The following ROBO2 variants were observed in gnomAD, a reference collection of about 807,000 sequenced individuals.
The protein encoded by ROBO2 is roundabout guidance receptor 2.
In ROBO2, 53 loss-of-function variants were observed where a neutral mutation model predicts 160.8. That is an observed-to-expected ratio of 0.33 (90% CI 0.26 to 0.41). The LOEUF is 0.41. Among genes scored for constraint, ROBO2 ranks in the 10% least tolerant of loss-of-function variants. ROBO2 has a pLI of 1.00. For missense variants in ROBO2, 1,577 were observed against 1,722.4 expected, an observed-to-expected ratio of 0.92 and a Z score of 1.49; for synonymous variants, 664 against 611.7, an observed-to-expected ratio of 1.09 and a Z score of -1.26.
intron 2 of ROBO2, among the ~76,000 whole-genome samples, chr3:76,986,734 T>C (rs879044250): frequency 6.6e-6 from 1 of 152,180 alleles, no homozygotes; most frequent in Admixed American, 6.6e-5. Context: ...AAGTATGGAA[T>C]TGTGCTTGGT....
intron 2 of ROBO2, among the ~76,000 whole-genome samples, chr3:76,831,145 A>T (rs1003965319): frequency 6.6e-6 from 1 of 152,186 alleles, no homozygotes; most frequent in Non-Finnish European, 1.5e-5. Flanking sequence ...CACAGGCTAT[A>T]TTCAAAATAA....
chr3:76,604,855 C>T (rs1179030663), intron 2 of ROBO2, among the ~76,000 whole-genome samples: 1 of 152,068 alleles, frequency 6.6e-6, no homozygotes, highest in Non-Finnish European at 1.5e-5. Flanking sequence ...AAGCCCTTGA[C>T]CAAGAAGCTC....
At chr3:76,519,718 AAAATAG>A (rs1172302871) in intron 2 of ROBO2, among the ~76,000 whole-genome samples, 1 of 150,784 alleles carries the variant, frequency 6.6e-6, no homozygotes, top group Non-Finnish European at 1.5e-5. Context: ...ATATAAGACA[AAAATAG>A]AAATAGAGAG....
intron 2 of ROBO2, among the ~76,000 whole-genome samples, chr3:77,337,773 A>G (rs929876603): frequency 1.3e-5 from 2 of 152,146 alleles, no homozygotes; most frequent in African/African-American, 4.8e-5. Flanking sequence ...TTAGGAATAC[A>G]TTGCAAAAAT....
intron 2 of ROBO2, among the ~76,000 whole-genome samples, chr3:76,397,328 G>A (rs1161840214): frequency 2.0e-5 from 3 of 151,910 alleles, no homozygotes; most frequent in Non-Finnish European, 2.9e-5. Flanking sequence ...TTAATTCAAG[G>A]TGGAATAAAG....
At chr3:77,004,701 T>C (rs554404694) in intron 2 of ROBO2, among the ~76,000 whole-genome samples, 3 of 152,302 alleles carry the variant, frequency 2.0e-5, no homozygotes, top group African/African-American at 7.2e-5. Flanking sequence ...TCGCTTTCAG[T>C]AAAATGTTTC....
chr3:77,230,096 G>A (rs1293952168), intron 2 of ROBO2, among the ~76,000 whole-genome samples: 2 of 146,596 alleles, frequency 1.4e-5, no homozygotes, highest in Non-Finnish European at 3.0e-5. Context: ...ATGCTAGACA[G>A]TTTTTTTTTT....
At chr3:76,971,610 CAA>C (rs2059577064) in intron 2 of ROBO2, among the ~76,000 whole-genome samples, 1 of 151,974 alleles carries the variant, frequency 6.6e-6, no homozygotes, top group Non-Finnish European at 1.5e-5. Context: ...CTTTAGTGGT[CAA>C]AAGAGTGTTT....
intron 5 of ROBO2, among the ~76,000 whole-genome samples, chr3:77,508,373 G>A (rs145191905): frequency 0.023 from 3,408 of 147,636 alleles, 124 homozygotes; most frequent in African/African-American, 0.077. Context: ...ATAAAATGTT[G>A]TAAGCTATAT....
intron 2 of ROBO2, among the ~76,000 whole-genome samples, chr3:76,950,987 T>C (rs1170307891): frequency 6.6e-6 from 1 of 152,204 alleles, no homozygotes; most frequent in Admixed American, 6.5e-5. Context: ...CTTGGCCTTT[T>C]AAAGTGCTGG....
Position 76,668,857 on chromosome 3 carries a change from G to T in ROBO2, c.110-429157G>T, listed in dbSNP as rs375165293. On this transcript the variant is annotated intron_variant, in intron 2 of 26. Transcript: ENST00000487694. ...AACTGAAAGTGTAATTTGAGAAATA[G>T]GAAAATAGAAAAGCTGACTGCAGCG... Among the ~76,000 whole-genome samples the T allele has an allele frequency of 9.8e-4, 149 of 152,188 alleles. 1 individual carries two copies. In the South Asian group the frequency reaches 0.03, roughly 31 times the overall value.
chr3:77,643,743 C>A (rs1251022474), intron 24 of ROBO2, among the ~76,000 whole-genome samples: 1 of 152,128 alleles, frequency 6.6e-6, no homozygotes, highest in Non-Finnish European at 1.5e-5. Context: ...ATAGGCCTCT[C>A]CATGCATTTC....
At chr3:76,670,001 A>G (rs74679823) in intron 2 of ROBO2, among the ~76,000 whole-genome samples, 1,787 of 152,262 alleles carry the variant, frequency 0.012, 44 homozygotes, top group African/African-American at 0.041. Flanking sequence ...GGCATATACT[A>G]ATTTGTATTG....
At chr3:76,304,747 CTTCTTTCTTTCT>C (rs1222058179) in intron 2 of ROBO2, among the ~76,000 whole-genome samples, 2,044 of 101,626 alleles carry the variant, frequency 0.02, 54 homozygotes, top group East Asian at 0.12. Flanking sequence ...CTTTTCTTTC[CTTCTTTCTTTCT>C]TTCTTTCTTT....
intron 2 of ROBO2, among the ~76,000 whole-genome samples, chr3:76,885,357 C>T (rs975390860): frequency 6.6e-6 from 1 of 151,910 alleles, no homozygotes; most frequent in African/African-American, 2.4e-5. Flanking sequence ...TTCTCCGATG[C>T]AAAATGCAAA....
intron 2 of ROBO2, among the ~76,000 whole-genome samples, chr3:76,621,982 C>CTTTTTTTTTTTTTTTTTTTTTTTT (rs2089124245): frequency 2.0e-5 from 3 of 151,906 alleles, no homozygotes; most frequent in African/African-American, 7.3e-5. Flanking sequence ...CCCATTCCTT[C>CTTTTTTTTTTTTTTTTTTTTTTTT]TTTATTATAC....
At chr3:77,329,951 A>T (rs913657174) in intron 2 of ROBO2, among the ~76,000 whole-genome samples, 2 of 152,200 alleles carry the variant, frequency 1.3e-5, no homozygotes, top group Non-Finnish European at 2.9e-5. Flanking sequence ...ATTCTTGGAG[A>T]TGATGGAAGC....
At chr3:76,629,391 T>C (rs1053989143) in intron 2 of ROBO2, among the ~76,000 whole-genome samples, 1 of 151,992 alleles carries the variant, frequency 6.6e-6, no homozygotes, top group Non-Finnish European at 1.5e-5. Flanking sequence ...AATCACAAGA[T>C]GGGGTCCCAC....
At chr3:76,807,256 C>T (rs865842023) in intron 2 of ROBO2, among the ~76,000 whole-genome samples, 4 of 151,964 alleles carry the variant, frequency 2.6e-5, no homozygotes, top group African/African-American at 7.2e-5. Context: ...TTCATAACAA[C>T]CTGAACTTGT....
Sources: allele counts gnomAD v4.1 joint callset (sites outside exome capture counted in the v4.1 genomes callset), GRCh38; gene constraint gnomAD v4.1.1; transcripts MANE v1.5; gene names NCBI Gene and HGNC (gene_info 2026-07-23, HGNC 2026-07-21).